AGBL4: variants seen among roughly 807,000 people sequenced by gnomAD.
AGBL4 encodes the protein AGBL carboxypeptidase 4.
Under a neutral mutation model 66.4 loss-of-function variants are expected in AGBL4, and 58 were observed. The ratio of observed to expected loss-of-function variants is 0.87; its 90% CI spans 0.71 to 1.09. The LOEUF (loss-of-function observed/expected upper bound fraction) is 1.09. AGBL4 is among the 50% of genes least tolerant of loss of function. The pLI, the probability that AGBL4 is intolerant of heterozygous loss-of-function variation, is 0.00. For synonymous variants in AGBL4, 234 were observed against 222.9 expected, an observed-to-expected ratio of 1.05 and a Z score of -0.44; for missense variants, 579 against 631.0, an observed-to-expected ratio of 0.92 and a Z score of 0.88.
intron 2 of AGBL4, among the ~76,000 whole-genome samples, chr1:49,833,802 A>G (rs551087300): frequency 2.6e-5 from 4 of 151,914 alleles, no homozygotes; most frequent in African/African-American, 9.7e-5. Context: ...TTTGTCTGTT[A>G]TTGGTGTATA....
rs534801343 is a variant in AGBL4 at position 49,984,571 on chromosome 1, A to T, written c.34+39192T>A. Among the ~76,000 whole-genome samples the T allele has an allele frequency of 7.9e-5, 12 of 152,306 alleles. No homozygotes were observed. The East Asian group carries it at 2.3e-3, about 29-fold the overall frequency. On this transcript the variant is annotated intron_variant, in intron 1 of 13. Transcript: ENST00000371839. ...ATTGTTCAGCACAAACTCCCACCCC[A>T]AAACCCCTCCTGCTTCCAGGTGCCT...
intron 4 of AGBL4, among the ~76,000 whole-genome samples, chr1:49,141,033 G>A (rs969946229): frequency 1.3e-5 from 2 of 152,118 alleles, no homozygotes; most frequent in South Asian, 2.1e-4. Context: ...GGGAAACTCA[G>A]TTTTAATGGA....
intron 3 of AGBL4, among the ~76,000 whole-genome samples, chr1:49,262,882 G>A (rs1467961074): frequency 1.3e-5 from 2 of 152,120 alleles, no homozygotes; most frequent in African/African-American, 4.8e-5. Context: ...ACTATTCACA[G>A]TAGCAAAGAC....
At position 48,574,291 on chromosome 1, in the gene AGBL4, G is replaced by A. The variant is rs528655588; in HGVS notation, c.1267+12713C>T. 7.9e-5 allele frequency among the ~76,000 whole-genome samples: 12 copies of A among 152,206 alleles called. No homozygotes were observed. The East Asian group carries it at 2.3e-3, about 29-fold the overall frequency. On this transcript the variant is annotated intron_variant, in intron 11 of 13. Transcript: ENST00000371839. ...CTTCTAGAGGCTGAGACTGGTCCTG[G>A]CTTAGGATACGAACACAGAGACAAA...
At chr1:49,105,896 G>C (rs1372205973) in intron 4 of AGBL4, among the ~76,000 whole-genome samples, 1 of 152,030 alleles carries the variant, frequency 6.6e-6, no homozygotes, top group Non-Finnish European at 1.5e-5. Flanking sequence ...TTCATCTCTT[G>C]ATTAACTCCA....
chr1:48,954,285 C>T (rs1466945921), intron 5 of AGBL4, among the ~76,000 whole-genome samples: 2 of 152,210 alleles, frequency 1.3e-5, no homozygotes, highest in Admixed American at 1.3e-4. Flanking sequence ...AAATAAACCA[C>T]ATCATAGATG....
At position 49,736,913 on chromosome 1, in the gene AGBL4, T is replaced by A. The variant is rs539802151; in HGVS notation, c.158-39476A>T. On this transcript the variant is annotated intron_variant, in intron 2 of 13. Transcript: ENST00000371839. ...AATGGCCAACCAACATAGGTAAAAA[T>A]TAACAACATAACTACTCATCAAAGA... Among the ~76,000 whole-genome samples, 266 of 151,674 alleles carry A rather than the reference T, an allele frequency of 1.8e-3. 1 individual carries two copies. Among genetic ancestry groups the A allele is most frequent in the African/African-American group, 5.7e-3 (235 of 41,370 alleles).
intron 4 of AGBL4, among the ~76,000 whole-genome samples, chr1:49,221,363 G>T (rs1337121529): frequency 6.6e-6 from 1 of 152,056 alleles, no homozygotes; most frequent in African/African-American, 2.4e-5. Flanking sequence ...AGTCCTCACT[G>T]ACAGCTTCTG....
chr1:49,369,607 T>C (rs1415412854), intron 3 of AGBL4, among the ~76,000 whole-genome samples: 2 of 152,098 alleles, frequency 1.3e-5, no homozygotes, highest in East Asian at 1.9e-4. Context: ...GTTGAGAAGA[T>C]AAATTTGGGA....
At chr1:49,713,429 G>T (rs1647827995) in intron 2 of AGBL4, among the ~76,000 whole-genome samples, 1 of 151,932 alleles carries the variant, frequency 6.6e-6, no homozygotes, top group African/African-American at 2.4e-5. Context: ...TTCATTGACA[G>T]ATTCATTTTT....
intron 3 of AGBL4, among the ~76,000 whole-genome samples, chr1:49,315,043 C>A (rs1645014128): frequency 6.6e-6 from 1 of 151,920 alleles, no homozygotes; most frequent in Non-Finnish European, 1.5e-5. Context: ...CAGCATGGTA[C>A]TGGTACCAAA....
intron 4 of AGBL4, among the ~76,000 whole-genome samples, chr1:49,134,475 G>GCCCCCCCCCCCCCCCCCCC (rs57286157): frequency 8.9e-6 from 1 of 112,702 alleles, no homozygotes; most frequent in Non-Finnish European, 1.8e-5. Flanking sequence ...ATTTTGGAGG[G>GCCCCCCCCCCCCCCCCCCC]CCCCCCCCCC....
intron 1 of AGBL4, among the ~76,000 whole-genome samples, chr1:50,006,188 A>T (rs984860957): frequency 2.0e-5 from 3 of 152,078 alleles, no homozygotes; most frequent in Admixed American, 2.0e-4. Flanking sequence ...AACTACAAAA[A>T]ATTAGCCAGG....
intron 11 of AGBL4, among the ~76,000 whole-genome samples, chr1:48,579,306 C>A (rs895594520): frequency 6.6e-6 from 1 of 152,088 alleles, no homozygotes; most frequent in African/African-American, 2.4e-5. Context: ...CAGCTCACTG[C>A]AACCTCTGCC....
intron 2 of AGBL4, among the ~76,000 whole-genome samples, chr1:49,731,216 T>TA (rs1649419666): frequency 6.6e-6 from 1 of 152,208 alleles, no homozygotes; most frequent in Non-Finnish European, 1.5e-5. Context: ...CCATGACTCC[T>TA]ATAATCACTT....
intron 3 of AGBL4, among the ~76,000 whole-genome samples, chr1:49,674,063 C>A (rs1646533204): frequency 6.6e-6 from 1 of 151,700 alleles, no homozygotes. Context: ...GTGTGTGTAC[C>A]CAAGACTATT....
At chr1:49,910,620 ACAATTAT>A (rs1276981220) in intron 1 of AGBL4, among the ~76,000 whole-genome samples, 2 of 152,024 alleles carry the variant, frequency 1.3e-5, no homozygotes, top group Admixed American at 1.3e-4. Context: ...GGAGTTTAGA[ACAATTAT>A]CTGGAAGTGA....
chr1:49,507,154 T>C (rs1180735029), intron 3 of AGBL4, among the ~76,000 whole-genome samples: 3 of 151,836 alleles, frequency 2.0e-5, no homozygotes, highest in African/African-American at 7.3e-5. Flanking sequence ...AAAGCCACAT[T>C]AAGAGGGAGA....
chr1:49,285,600 T>G (rs1387630789), intron 3 of AGBL4, among the ~76,000 whole-genome samples: 2 of 151,748 alleles, frequency 1.3e-5, no homozygotes, highest in Non-Finnish European at 2.9e-5. Flanking sequence ...TTTGAAAGGA[T>G]CAACAAAATT....
Sources: allele counts gnomAD v4.1 joint callset (sites outside exome capture counted in the v4.1 genomes callset), GRCh38; gene constraint gnomAD v4.1.1; transcripts MANE v1.5; gene names NCBI Gene and HGNC (gene_info 2026-07-23, HGNC 2026-07-21).